ZNF160: variants seen among roughly 807,000 people sequenced by gnomAD.
The protein encoded by ZNF160 is KRAB zinc finger protein KR18.
ZNF160 carries 9 observed loss-of-function variants against 13.1 expected under a neutral mutation model. The observed-to-expected ratio is 0.69, with a 90% CI of 0.41 to 1.20. The LOEUF (loss-of-function observed/expected upper bound fraction) is 1.20. Ranked by LOEUF, ZNF160 falls within the 50% of genes most tolerant of loss-of-function variation. ZNF160 has a pLI of 0.01. For synonymous variants in ZNF160, 293 were observed against 333.2 expected (o/e 0.88, Z 1.31); for missense variants, 838 against 988.0 (o/e 0.85, Z 2.04).
chr19:53,077,240 G>T (rs1358417274), intron 3 of ZNF160: 1 of 152,198 alleles, frequency 6.6e-6, no homozygotes, highest in African/African-American at 2.4e-5. Flanking sequence ...CACGGAGGAC[G>T]CATCCTTAGA....
chr19:53,095,406 A>G (rs971865198), intron 1 of ZNF160: 3 of 151,330 alleles, frequency 2.0e-5, no homozygotes, highest in Non-Finnish European at 2.9e-5. Flanking sequence ...GCCCTGTCCA[A>G]CCACACTCGG....
Position 53,086,043 on chromosome 19 carries a change from C to T in ZNF160, c.15+219G>A, listed in dbSNP as rs577791700. 22 of 1,429,816 alleles carry T rather than the reference C, an allele frequency of 1.5e-5. No individual in the cohort carries two copies. The South Asian group carries it at 1.6e-4, about 10-fold the overall frequency. The allele number at this position is 1,429,816 out of a possible 1,614,324, so 88.6% of individuals were successfully genotyped here. Reference sequence around the variant, plus strand: ...CTCCATCCATGTCTGGGTGTGAGCCCTTCCCAGGACCATGCCCAGTGCAGC... The same window carrying T: ...CTCCATCCATGTCTGGGTGTGAGCCTTTCCCAGGACCATGCCCAGTGCAGC... On this transcript the variant is annotated intron_variant, in intron 3 of 5. Coordinates refer to ENST00000683776, the MANE Select transcript of ZNF160 (RefSeq NM_001322131.2).
At chr19:53,098,599 T>C (rs1381634986) in intron 1 of ZNF160, among the ~76,000 whole-genome samples, 2 of 151,780 alleles carry the variant, frequency 1.3e-5, no homozygotes, top group Non-Finnish European at 1.5e-5. Context: ...GAGGCTGCCA[T>C]TGTCCCCTTG....
At position 53,067,378 on chromosome 19, in the gene ZNF160, T is replaced by C. The variant is rs539642061; in HGVS notation, c.*699A>G. The C allele has an allele frequency of 2.0e-5, 3 of 152,312 alleles. No homozygotes were observed. The highest frequency in any genetic ancestry group is 2.0e-4 in the Admixed American group (3 of 15,296). 9.4% of individuals were successfully genotyped at this position (152,312 alleles called of 1,614,324 possible). A position where few individuals can be genotyped will look rare whatever the true frequency, so the allele number is the denominator to read the frequency against. On this transcript the variant is annotated 3_prime_UTR_variant, in exon 6 of 6. Transcript: ENST00000683776. Reference sequence around the variant, plus strand: ...GGTGAGTGACATCATAGTTTTACATTGTTTTTCGCCACTCCCAAATGCTAA... The same window carrying C: ...GGTGAGTGACATCATAGTTTTACATCGTTTTTCGCCACTCCCAAATGCTAA...
chr19:53,081,093 A>G (rs942055632), intron 3 of ZNF160, among the ~76,000 whole-genome samples: 4 of 152,206 alleles, frequency 2.6e-5, no homozygotes, highest in African/African-American at 7.2e-5. Flanking sequence ...AATACTTAAT[A>G]TAAGACCTCC....
At chr19:53,083,823 C>A (rs887712595) in intron 3 of ZNF160, among the ~76,000 whole-genome samples, 2 of 152,176 alleles carry the variant, frequency 1.3e-5, no homozygotes, top group African/African-American at 4.8e-5. Flanking sequence ...GGGACAATTG[C>A]TTAGGCCAAG....
At chr19:53,098,069 T>G (rs1244803992) in intron 1 of ZNF160, among the ~76,000 whole-genome samples, 1 of 152,198 alleles carries the variant, frequency 6.6e-6, no homozygotes, top group Non-Finnish European at 1.5e-5. Context: ...CAAATCTCTG[T>G]GTCAGCATCT....
At chr19:53,083,144 G>A (rs2084696981) in intron 3 of ZNF160, among the ~76,000 whole-genome samples, 2 of 152,164 alleles carry the variant, frequency 1.3e-5, no homozygotes, top group African/African-American at 4.8e-5. Context: ...TGAACCATGT[G>A]CTTTTGTGTT....
intron 1 of ZNF160, among the ~76,000 whole-genome samples, chr19:53,096,278 T>G (rs979307038): frequency 3.9e-5 from 6 of 152,172 alleles, no homozygotes; most frequent in African/African-American, 1.4e-4. Flanking sequence ...TGGTCTTCAC[T>G]TTGGGAGACT....
intron 1 of ZNF160, among the ~76,000 whole-genome samples, chr19:53,100,300 G>C (rs1447479462): frequency 6.6e-6 from 1 of 152,172 alleles, no homozygotes; most frequent in Non-Finnish European, 1.5e-5. Flanking sequence ...TGACATAAGG[G>C]AAGAAAACTG....
In ZNF160 at chr19:53,101,063, G is replaced by A. The variant is rs1005436773; in HGVS notation, c.-354+2202C>T. Among the ~76,000 whole-genome samples the A allele has an allele frequency of 2.6e-5, 4 of 152,040 alleles. No individual in the cohort carries two copies. In the East Asian group the frequency reaches 7.7e-4, roughly 29 times the overall value. Reference sequence around the variant, plus strand: ...GGAGGCCGAGACAGGTGGATCACTTGAGGTCAGGAGGTCAAGACCAGCCTA... The same window carrying A: ...GGAGGCCGAGACAGGTGGATCACTTAAGGTCAGGAGGTCAAGACCAGCCTA... On this transcript the variant is annotated intron_variant, in intron 1 of 5. Coordinates refer to ENST00000683776, the MANE Select transcript of ZNF160 (RefSeq NM_001322131.2).
rs527476223 is a variant in ZNF160 at position 53,075,120 on chromosome 19, G to A, written c.79C>T (p.Pro27Ser). The A allele has an allele frequency of 8.7e-6, 14 of 1,614,116 alleles. No homozygotes were observed. The African/African-American group carries it at 1.7e-4, about 20-fold the overall frequency. Residue 27 changes from proline to serine, a missense_variant, in exon 4 of 6, where the codon CCT (proline) becomes TCT (serine). Pro to Ser is a moderately conservative substitution (Grantham distance 74). This residue lies in a region of ZNF160 where 387 missense variants were observed against 402.3 expected (regional missense o/e 0.96). Transcript: ENST00000683776. ...FSQEEWKCLD[P>S]AQRILYRDVM... is the part of the protein sequence containing the mutation. ...TCCCTGTATAAGATCCTCTGAGCAGGGTCCAGGCATTTCCACTCCTCCTGA... is the reference window on the plus strand; with the variant it reads ...TCCCTGTATAAGATCCTCTGAGCAGAGTCCAGGCATTTCCACTCCTCCTGA...
At position 53,086,298 on chromosome 19, in the gene ZNF160, C is replaced by A; in HGVS notation, c.-22G>T. ...CCATCCCTGACTCCTTTTCTTTCCT[C>A]TTCCTCTTCTTCCAGACTTCTTCCT... is the stretch of plus-strand genomic sequence containing the variant. On this transcript the variant is annotated 5_prime_UTR_variant, in exon 3 of 6. Coordinates refer to ENST00000683776, the MANE Select transcript of ZNF160 (RefSeq NM_001322131.2). 6.3e-7 allele frequency: 1 copy of A among 1,582,514 alleles called. No individual in the cohort carries two copies. The highest frequency in any genetic ancestry group is 8.6e-7 in the Non-Finnish European group (1 of 1,166,414).
At chr19:53,085,304 T>G in intron 3 of ZNF160, 1 of 717,950 alleles carries the variant, frequency 1.4e-6, no homozygotes, top group Non-Finnish European at 1.7e-6. Context: ...TTAAATCTCA[T>G]AATGATGTCA....
rs150853753 is a variant in ZNF160 at position 53,076,140 on chromosome 19, T to C, written c.16-957A>G. On this transcript the variant is annotated intron_variant, in intron 3 of 5. Coordinates refer to ENST00000683776, the MANE Select transcript of ZNF160 (RefSeq NM_001322131.2). Reference sequence around the variant, plus strand: ...TAAGGACTTTTGAGCAAGTTATGTCTCCCTAATTCTGTCTTATTATTCTTT... The same window carrying C: ...TAAGGACTTTTGAGCAAGTTATGTCCCCCTAATTCTGTCTTATTATTCTTT... Among the ~76,000 whole-genome samples the C allele has an allele frequency of 3.2e-4, 48 of 152,358 alleles. No individual in the cohort carries two copies. In the East Asian group the frequency reaches 8.3e-3, roughly 26 times the overall value.
At chr19:53,090,157 A>T (rs1568499382) in intron 2 of ZNF160, among the ~76,000 whole-genome samples, 1 of 149,274 alleles carries the variant, frequency 6.7e-6, no homozygotes, top group Non-Finnish European at 1.5e-5. Context: ...CCTTGTCACC[A>T]GCTGTCCCGT....
At chr19:53,073,277 CTG>C in intron 5 of ZNF160, 1 of 1,550,668 alleles carries the variant, frequency 6.4e-7, no homozygotes, top group African/African-American at 1.4e-5. Flanking sequence ...CCATGTAAGA[CTG>C]AGGATCAATG....
At chr19:53,090,727 G>A (rs2085002843) in intron 2 of ZNF160, among the ~76,000 whole-genome samples, 1 of 152,138 alleles carries the variant, frequency 6.6e-6, no homozygotes, top group African/African-American at 2.4e-5. Context: ...GGGGAGGGGT[G>A]GGATCTGTGG....
intron 2 of ZNF160, among the ~76,000 whole-genome samples, chr19:53,086,626 C>G (rs2084845376): frequency 6.6e-6 from 1 of 152,064 alleles, no homozygotes; most frequent in Admixed American, 6.5e-5. Context: ...CAGACCCAGC[C>G]CTGACCAAAC....
Sources: gnomAD v4.1 joint callset for allele counts (sites outside exome capture counted in the v4.1 genomes callset) on GRCh38, gnomAD v4.1.1 for gene constraint, gnomAD v4.1.1 regional missense constraint, MANE v1.5 for transcripts, NCBI Gene and HGNC (gene_info 2026-07-23, HGNC 2026-07-21) for gene names.